Variants in ESD observed in about 807,000 individuals in gnomAD.
The protein encoded by ESD is S-formylglutathione hydrolase.
ESD carries 34 observed loss-of-function variants against 38.1 expected under a neutral mutation model. The observed-to-expected ratio is 0.89, with a 90% CI of 0.68 to 1.19. The LOEUF is 1.19. Ranked by LOEUF, ESD falls within the 50% of genes most tolerant of loss-of-function variation. ESD has a pLI of 0.00. For missense variants in ESD, 334 were observed against 327.2 expected, an observed-to-expected ratio of 1.02 and a Z score of -0.16; for synonymous variants, 97 against 107.0, an observed-to-expected ratio of 0.91 and a Z score of 0.58.
At chr13:46,775,691 T>A in intron 9 of ESD, 1 of 469,826 alleles carries the variant, frequency 2.1e-6, no homozygotes, top group Non-Finnish European at 4.4e-6. Context: ...AACCCGACCA[T>A]GCTGGAAGTA....
intron 1 of ESD, among the ~76,000 whole-genome samples, chr13:46,795,109 T>C (rs886182773): frequency 6.6e-6 from 1 of 152,214 alleles, no homozygotes; most frequent in Non-Finnish European, 1.5e-5. Context: ...TTCAGACTCA[T>C]GCCTGTCTTG....
At chr13:46,794,712 A>G (rs1180924633) in intron 1 of ESD, among the ~76,000 whole-genome samples, 1 of 152,050 alleles carries the variant, frequency 6.6e-6, no homozygotes, top group Non-Finnish European at 1.5e-5. Context: ...CTGGCTCTTA[A>G]CAACCTAGAC....
chr13:46,782,699 T>A lies in ESD; in HGVS notation c.349A>T (p.Asn117Tyr), dbSNP rs779238877. ...GTGACATAAGAGTACATTCTGTAGT[T>A]GGTTTTCCAAGGATCTTCAGTGGCA... ...VDATEDPWKT[N>Y]YRMYSYVTEE... The change falls in exon 6 of 10, where the codon AAC becomes TAC. Residue 117 changes from asparagine (N) to tyrosine (Y), a missense_variant. Physicochemically the swap from Asn to Tyr is moderately radical, Grantham distance 143 (BLOSUM62 -2). Coordinates refer to ENST00000378720, the MANE Select transcript of ESD (RefSeq NM_001984.2). 2 of 1,612,344 alleles carry A rather than the reference T, an allele frequency of 1.2e-6. No individual in the cohort carries two copies. Among genetic ancestry groups the A allele is most frequent in the Non-Finnish European group, 1.7e-6 (2 of 1,178,818 alleles).
intron 1 of ESD, among the ~76,000 whole-genome samples, chr13:46,793,724 C>G (rs1314340558): frequency 6.6e-6 from 1 of 152,092 alleles, no homozygotes; most frequent in Non-Finnish European, 1.5e-5. Flanking sequence ...AGTTTTTTAT[C>G]TTTTTAAATC....
Position 46,771,320 on chromosome 13 carries a change from A to G in ESD, c.*96T>C, listed in dbSNP as rs773178630. On this transcript the variant is annotated 3_prime_UTR_variant, in exon 10 of 10. Coordinates refer to ENST00000378720, the MANE Select transcript of ESD (RefSeq NM_001984.2). ...AATAAAGCCCTTTTAGCACTATAAA[A>G]TCCAATGTTTTGAATTTTTTTTTTT... 1 of 785,656 alleles carries G rather than the reference A, an allele frequency of 1.3e-6. No homozygotes were observed. The highest frequency in any genetic ancestry group is 2.1e-6 in the Non-Finnish European group (1 of 480,690). 48.7% of individuals were successfully genotyped at this position (785,656 alleles called of 1,614,324 possible).
intron 4 of ESD, 121 bp downstream of exon 4, chr13:46,786,900 G>C (rs1472787852): frequency 1.7e-5 from 8 of 460,014 alleles, no homozygotes; most frequent in African/African-American, 1.2e-4. Context: ...GACTATGACA[G>C]GTCCTTAAAG....
In ESD at chr13:46,779,919, G is replaced by A; in HGVS notation, c.600+16C>T. On this transcript the variant is annotated intron_variant, in intron 8 of 9. Coordinates refer to ENST00000378720, the MANE Select transcript of ESD (RefSeq NM_001984.2). Reference sequence around the variant, plus strand: ...AAACTTAAGAATGAGTATTAAGACAGCCATTCAGTACCTACCTTCCATTTA... The same window carrying A: ...AAACTTAAGAATGAGTATTAAGACAACCATTCAGTACCTACCTTCCATTTA... 6.4e-7 allele frequency: 1 copy of A among 1,559,138 alleles called. No individual in the cohort carries two copies. Among genetic ancestry groups the A allele is most frequent in the Non-Finnish European group, 8.8e-7 (1 of 1,136,448 alleles).
chr13:46,790,493 C>T lies in ESD; in HGVS notation c.68+853G>A, dbSNP rs994494659. ...AAATTTTGAAAGCTAGTGGAAGAAA[C>T]TCAGTGTGCAAACTTTTGCTTAATC... On this transcript the variant is annotated intron_variant, in intron 3 of 9. Coordinates refer to ENST00000378720, the MANE Select transcript of ESD (RefSeq NM_001984.2). The T allele has an allele frequency of 1.3e-5, 2 of 152,160 alleles. 1 individual carries two copies. Among genetic ancestry groups the T allele is most frequent in the Non-Finnish European group, 2.9e-5 (2 of 68,040 alleles). The allele number at this position is 152,160 out of a possible 1,614,324, so 9.4% of individuals were successfully genotyped here.
intron 4 of ESD, among the ~76,000 whole-genome samples, chr13:46,785,310 G>A (rs1371312041): frequency 6.6e-6 from 1 of 152,012 alleles, no homozygotes; most frequent in African/African-American, 2.4e-5. Flanking sequence ...CCAGTTGAGA[G>A]AGATTTGGTT....
intron 3 of ESD, among the ~76,000 whole-genome samples, chr13:46,787,633 C>T (rs1448982013): frequency 6.6e-6 from 1 of 151,810 alleles, no homozygotes; most frequent in Non-Finnish European, 1.5e-5. Flanking sequence ...ATTCATGCAA[C>T]AGTGATCTCT....
At chr13:46,771,579 G>C in intron 9 of ESD, 83 bp from the exon 10 acceptor site, 2 of 847,132 alleles carry the variant, frequency 2.4e-6, no homozygotes, top group Non-Finnish European at 3.8e-6. Context: ...CTCTAAGGTC[G>C]TTTAATTTGC....
rs1178596510 is a variant in ESD, at chr13:46,779,945, C to T, written c.590G>A (p.Ser197Asn). The T allele has an allele frequency of 1.2e-6, 2 of 1,603,826 alleles. No homozygotes were observed. Among genetic ancestry groups the T allele is most frequent in the South Asian group, 2.2e-5 (2 of 90,582 alleles). The change falls in exon 8 of 10, where the codon AGT becomes AAT. Residue 197 changes from serine to asparagine, a missense_variant. Coordinates refer to ENST00000378720, the MANE Select transcript of ESD (RefSeq NM_001984.2). Reference sequence around the variant, plus strand: ...CCATTCAGTACCTACCTTCCATTTACTTTGATCTGTTCCCAAATATCCACT... The same window carrying T: ...CCATTCAGTACCTACCTTCCATTTATTTTGATCTGTTCCCAAATATCCACT... ...AFSGYLGTDQ[S>N]KWKAYDATHL...
At chr13:46,797,555 T>A (rs1040575242), upstream of ESD, among the ~76,000 whole-genome samples, 6 of 152,158 alleles carry the variant, frequency 3.9e-5, no homozygotes, top group African/African-American at 1.4e-4. Flanking sequence ...AGGGCCTAAT[T>A]TCAACTCCCT....
chr13:46,794,430 C>A (rs1271246486), intron 1 of ESD, among the ~76,000 whole-genome samples: 1 of 152,072 alleles, frequency 6.6e-6, no homozygotes, highest in Non-Finnish European at 1.5e-5. Context: ...GAACTCCAAG[C>A]TTCAAGTGTT....
chr13:46,776,332 T>A (rs1008196158), intron 9 of ESD: 1 of 152,180 alleles, frequency 6.6e-6, no homozygotes, highest in Non-Finnish European at 1.5e-5. Context: ...TGCTCAGATC[T>A]TCTGCATAAG....
chr13:46,780,487 C>A (rs547362815), intron 7 of ESD, among the ~76,000 whole-genome samples: 9 of 151,788 alleles, frequency 5.9e-5, no homozygotes, highest in African/African-American at 2.2e-4. Context: ...TAATACAACT[C>A]TGTGTTCTAT....
chr13:46,771,490 C>CATA lies in ESD; in HGVS notation c.772_774dup (p.Tyr258dup). 1 of 1,591,396 alleles carries CATA rather than the reference C, an allele frequency of 6.3e-7. No homozygotes were observed. The highest frequency in any genetic ancestry group is 8.6e-7 in the Non-Finnish European group (1 of 1,160,752). ...GTTGCAATGAAGTAGTAGCTATGAT[C>CATA]ATAACCCTAGAAGATAAAGAGATGA... is the stretch of plus-strand genomic sequence containing the variant. On this transcript the variant is annotated inframe_insertion, in exon 10 of 10. Coordinates refer to ENST00000378720, the MANE Select transcript of ESD (RefSeq NM_001984.2).
chr13:46,781,709 C>A, intron 6 of ESD, 94 bp from the exon 7 acceptor site: 1 of 1,128,880 alleles, frequency 8.9e-7, no homozygotes, highest in Non-Finnish European at 1.3e-6. Context: ...TCAATACTGC[C>A]AAATCATAGT....
rs763472423 is a variant in ESD, at chr13:46,791,356, CA to C, written c.57del (p.Phe19LeufsTer8). 5.6e-6 allele frequency: 9 copies of C among 1,611,784 alleles called. No homozygotes were observed. The highest frequency in any genetic ancestry group is 4.0e-5 in the African/African-American group (3 of 74,872). On this transcript the variant is annotated frameshift_variant, in exon 3 of 10. Coordinates refer to ENST00000378720, the MANE Select transcript of ESD (RefSeq NM_001984.2). LOFTEE classifies it high-confidence loss of function. ...CTTCTTAATAGTTACCTGTCATGTT[CA>C]AAAACTTTCTGCAATCCCCCAAAGC... ...NKCFGGLQKV[F>X]EHDSVELNCK... is the part of the protein sequence containing the mutation.
Sources: allele counts gnomAD v4.1 joint callset (sites outside exome capture counted in the v4.1 genomes callset), GRCh38; gene constraint gnomAD v4.1.1; transcripts MANE v1.5; gene names NCBI Gene and HGNC (gene_info 2026-07-23, HGNC 2026-07-21).